Variants in SLC44A5 observed in about 807,000 individuals in gnomAD.
The protein encoded by SLC44A5 is choline transporter-like protein 5.
In SLC44A5, 57 loss-of-function variants were observed where a neutral mutation model predicts 101.8. The ratio of observed to expected loss-of-function variants is 0.56; its 90% CI spans 0.45 to 0.70. The LOEUF (loss-of-function observed/expected upper bound fraction) is 0.70, where lower values mean the gene tolerates loss of function less well. Among genes scored for constraint, SLC44A5 ranks in the 30% least tolerant of loss-of-function variants. The probability of loss-of-function intolerance (pLI) is 0.00; values close to 1 mark genes in which losing one functional copy is unlikely to be tolerated. For missense variants in SLC44A5, 737 were observed against 853.1 expected (o/e 0.86, Z 1.70); for synonymous variants, 281 against 290.9 (o/e 0.97, Z 0.35).
chr1:75,260,724 C>T (rs1650424208), intron 6 of SLC44A5, among the ~76,000 whole-genome samples: 1 of 152,142 alleles, frequency 6.6e-6, no homozygotes. Context: ...AATATACATT[C>T]TTCTCAGCAC....
intron 4 of SLC44A5, among the ~76,000 whole-genome samples, chr1:75,314,015 AGAT>A (rs1456679722): frequency 1.3e-5 from 2 of 152,226 alleles, no homozygotes; most frequent in African/African-American, 4.8e-5. Flanking sequence ...ATGAGAAAGC[AGAT>A]AATAAGGTGA....
chr1:75,222,958 C>T (rs1355122038), intron 13 of SLC44A5, among the ~76,000 whole-genome samples: 2 of 152,048 alleles, frequency 1.3e-5, no homozygotes, highest in Admixed American at 6.6e-5. Context: ...TTGATGGAAT[C>T]GGGGTGTAAA....
At chr1:75,322,117 C>T (rs1002850870) in intron 4 of SLC44A5, among the ~76,000 whole-genome samples, 2 of 152,078 alleles carry the variant, frequency 1.3e-5, no homozygotes, top group African/African-American at 4.8e-5. Context: ...TTGAGACCAG[C>T]CTGGCCAAAA....
rs578042911 is a variant in SLC44A5 at position 75,450,108 on chromosome 1, T to G, written c.14-53487A>C. 5.9e-5 allele frequency among the ~76,000 whole-genome samples: 9 copies of G among 152,206 alleles called. No homozygotes were observed. The South Asian group carries it at 1.7e-3, about 28-fold the overall frequency. ...CTTGAATCATGTAGGACACCCCAGA[T>G]CCCAGGGAGGTGAACACGAGCAAAC... On this transcript the variant is annotated intron_variant, in intron 2 of 23. Transcript: ENST00000370859.
Position 75,412,557 on chromosome 1 carries a change from CAGG to C in SLC44A5, c.14-15939_14-15937del, listed in dbSNP as rs1213621847. On this transcript the variant is annotated intron_variant, in intron 2 of 23. Coordinates refer to ENST00000370859, the MANE Select transcript of SLC44A5 (RefSeq NM_001130058.2). ...AGGTCTCCATCAGGCAGACCACGAA[CAGG>C]AGGTGTATTTCCAAAATTTCTTCTC... Among the ~76,000 whole-genome samples the C allele has an allele frequency of 2.6e-5, 4 of 152,286 alleles. No individual in the cohort carries two copies. In the East Asian group the frequency reaches 7.7e-4, roughly 29 times the overall value.
At chr1:75,654,690 C>T in the SLC44A5 span, among the ~76,000 whole-genome samples, 1 of 152,136 alleles carries the variant, frequency 6.6e-6, no homozygotes, top group Admixed American at 6.5e-5. Context: ...CATTAAAAGA[C>T]CTCCAGAAAG....
chr1:75,396,631 A>C lies in SLC44A5; in HGVS notation c.14-10T>G. ...GTATCTGCTGGTTTTTCTAGGAAAA[A>C]GCACAAAAGGCAAAAAAAATATTTG... On this transcript the variant is annotated splice_polypyrimidine_tract_variant and intron_variant, in intron 2 of 23. Coordinates refer to ENST00000370859, the MANE Select transcript of SLC44A5 (RefSeq NM_001130058.2). The C allele has an allele frequency of 6.2e-7, 1 of 1,612,228 alleles. No individual in the cohort carries two copies. Among genetic ancestry groups the C allele is most frequent in the South Asian group, 1.1e-5 (1 of 91,046 alleles).
the SLC44A5 span, among the ~76,000 whole-genome samples, chr1:75,687,140 G>A: frequency 5.3e-5 from 8 of 152,004 alleles, no homozygotes; most frequent in Non-Finnish European, 1.0e-4. Flanking sequence ...ACCCAGATTG[G>A]GTCCAATCTG....
intron 2 of SLC44A5, among the ~76,000 whole-genome samples, chr1:75,494,639 G>C (rs1668580849): frequency 6.6e-6 from 1 of 152,140 alleles, no homozygotes; most frequent in African/African-American, 2.4e-5. Flanking sequence ...CGTTACCTGA[G>C]AAGCTGGTCT....
At chr1:75,465,786 T>C (rs1570361082) in intron 2 of SLC44A5, among the ~76,000 whole-genome samples, 1 of 152,176 alleles carries the variant, frequency 6.6e-6, no homozygotes, top group South Asian at 2.1e-4. Context: ...CTAGAAGAAA[T>C]GGACAAACTC....
At chr1:75,292,922 T>C (rs1653677382) in intron 5 of SLC44A5, among the ~76,000 whole-genome samples, 1 of 152,236 alleles carries the variant, frequency 6.6e-6, no homozygotes, top group Non-Finnish European at 1.5e-5. Context: ...AGAATTAAAT[T>C]ACTTGGGTTA....
chr1:75,370,490 G>A (rs1216528310), intron 3 of SLC44A5, among the ~76,000 whole-genome samples: 1 of 152,168 alleles, frequency 6.6e-6, no homozygotes. Flanking sequence ...ACCTGGAGGT[G>A]ACCTCTTCCA....
At chr1:75,244,591 A>T (rs1435630023) in intron 7 of SLC44A5, among the ~76,000 whole-genome samples, 1 of 152,066 alleles carries the variant, frequency 6.6e-6, no homozygotes, top group African/African-American at 2.4e-5. Context: ...ATCAATCATC[A>T]TTATGGTCTT....
chr1:75,678,108 T>A, the SLC44A5 span, among the ~76,000 whole-genome samples: 1 of 151,464 alleles, frequency 6.6e-6, no homozygotes, highest in African/African-American at 2.4e-5. Context: ...GCTCGGAGGG[T>A]CCTACCCCAC....
intron 1 of SLC44A5, among the ~76,000 whole-genome samples, chr1:75,585,738 T>A (rs1247111201): frequency 6.6e-6 from 1 of 152,214 alleles, no homozygotes; most frequent in Non-Finnish European, 1.5e-5. Context: ...ATTTATTCAG[T>A]AAATTATATA....
intron 2 of SLC44A5, among the ~76,000 whole-genome samples, chr1:75,517,906 C>T (rs1669922411): frequency 6.6e-6 from 1 of 152,142 alleles, no homozygotes. Context: ...CCTCAGAGCT[C>T]TTTTTGGCCA....
At chr1:75,608,164 A>G (rs1250672179) in intron 1 of SLC44A5, among the ~76,000 whole-genome samples, 1 of 151,846 alleles carries the variant, frequency 6.6e-6, no homozygotes, top group East Asian at 1.9e-4. Flanking sequence ...ATGTTGTTGT[A>G]AGTCAATAGC....
intron 5 of SLC44A5, among the ~76,000 whole-genome samples, chr1:75,283,019 C>A (rs1451463602): frequency 1.3e-5 from 2 of 152,112 alleles, no homozygotes; most frequent in Non-Finnish European, 2.9e-5. Context: ...TGGGTAGATA[C>A]CCAGTAGAGG....
chr1:75,216,216 C>A (rs1032135553), intron 18 of SLC44A5, among the ~76,000 whole-genome samples: 3 of 151,984 alleles, frequency 2.0e-5, no homozygotes, highest in Non-Finnish European at 4.4e-5. Context: ...AGGAATCATA[C>A]AATATTTACC....
Sources: allele counts gnomAD v4.1 joint callset (sites outside exome capture counted in the v4.1 genomes callset), GRCh38; gene constraint gnomAD v4.1.1; transcripts MANE v1.5; gene names NCBI Gene and HGNC (gene_info 2026-07-23, HGNC 2026-07-21).